The following LETMD1 variants were observed in gnomAD, a reference collection of about 807,000 sequenced individuals.
The protein encoded by LETMD1 is LETM1 domain containing 1, also known as LETM1 domain-containing protein 1.
LETMD1 carries 30 observed loss-of-function variants against 43.9 expected under a neutral mutation model. That is an observed-to-expected ratio of 0.68 (90% CI 0.51 to 0.93). LETMD1 has a LOEUF of 0.93. LETMD1 is among the 40% of genes least tolerant of loss of function. The pLI, the probability that LETMD1 is intolerant of heterozygous loss-of-function variation, is 0.00. For missense variants in LETMD1, 413 were observed against 447.7 expected (o/e 0.92, Z 0.70); for synonymous variants, 176 against 163.1 (o/e 1.08, Z -0.60).
At chr12:51,068,111 C>A in the LETMD1 span, 1 of 700,664 alleles carries the variant, frequency 1.4e-6, no homozygotes, top group Admixed American at 2.8e-5. Context: ...CAGCTACTAG[C>A]ACATGTGGCT....
intron 2 of LETMD1, among the ~76,000 whole-genome samples, chr12:51,051,743 A>G (rs1022668683): frequency 2.0e-5 from 3 of 152,180 alleles, no homozygotes; most frequent in African/African-American, 7.2e-5. Flanking sequence ...AAGGAGATTA[A>G]ATTAATATCT....
At position 51,059,399 on chromosome 12, in the gene LETMD1, C is replaced by T; in HGVS notation, c.1051C>T (p.Leu351Phe). The stretch of plus-strand genomic sequence containing the variant: ...TCTCTTGCTGCACAACGTGGTCCTG[C>T]TCTCCACCAACTACCTTGGGACAAG... ...LSLLLHNVVLLSTNYLGTRR is the reference protein window; with the variant it reads ...LSLLLHNVVLFSTNYLGTRR Residue 351 changes from leucine (L) to phenylalanine (F), a missense_variant, in exon 9 of 9, where the codon CTC becomes TTC. Transcript: ENST00000262055. 2 of 1,614,236 alleles carry T rather than the reference C, an allele frequency of 1.2e-6. No homozygotes were observed. Among genetic ancestry groups the T allele is most frequent in the Non-Finnish European group, 1.7e-6 (2 of 1,180,036 alleles).
At chr12:51,062,412 A>G (rs1231522571), downstream of LETMD1, 1 of 152,246 alleles carries the variant, frequency 6.6e-6, no homozygotes, top group Non-Finnish European at 1.5e-5. Flanking sequence ...TAATGAAAGG[A>G]AATCAGTGCT....
At position 51,059,993 on chromosome 12, in the gene LETMD1, A is replaced by G. The variant is rs1566159436; in HGVS notation, c.*562A>G. The G allele has an allele frequency of 6.5e-6, 1 of 152,904 alleles. No individual in the cohort carries two copies. Among genetic ancestry groups the G allele is most frequent in the Admixed American group, 6.5e-5 (1 of 15,346 alleles). 9.5% of individuals were successfully genotyped at this position (152,904 alleles called of 1,614,324 possible). On this transcript the variant is annotated 3_prime_UTR_variant, in exon 9 of 9. Coordinates refer to ENST00000262055, the MANE Select transcript of LETMD1 (RefSeq NM_015416.5). ...TCACCTTCACTGGCATGGGCTAACC[A>G]CTTCTTTTTCAAACCCTCTGAACAC...
At chr12:51,064,754 G>T, downstream of LETMD1, 1 of 1,252,828 alleles carries the variant, frequency 8.0e-7, no homozygotes, top group Non-Finnish European at 1.1e-6. Flanking sequence ...CAAACAGGCA[G>T]TTGGGATTTG....
At chr12:51,065,354 T>C (rs1480033668), downstream of LETMD1, among the ~76,000 whole-genome samples, 2 of 152,174 alleles carry the variant, frequency 1.3e-5, no homozygotes, top group African/African-American at 4.8e-5. Flanking sequence ...TCTACCTCCT[T>C]ATCACTTTCA....
intron 8 of LETMD1, chr12:51,059,047 C>G (rs1439718860): frequency 2.9e-6 from 1 of 344,204 alleles, no homozygotes; most frequent in African/African-American, 2.1e-5. Context: ...AATCTTGAAG[C>G]TGAGAAATGT....
intron 8 of LETMD1, 92 bp from the exon 9 acceptor site, chr12:51,059,269 A>G: frequency 9.1e-7 from 1 of 1,092,970 alleles, no homozygotes; most frequent in Admixed American, 1.8e-5. Flanking sequence ...CCCTCCCTGC[A>G]CTTGGCTTCC....
chr12:51,057,947 G>T lies in LETMD1; in HGVS notation c.916-85G>T, dbSNP rs1028473837. ...GTGAGATTGTAACTTATTTAAAGGA[G>T]ATTTAGGATTGTTTGTGGATTTCCA... On this transcript the variant is annotated intron_variant, in intron 7 of 8. Coordinates refer to ENST00000262055, the MANE Select transcript of LETMD1 (RefSeq NM_015416.5). The T allele has an allele frequency of 4.1e-6, 4 of 970,398 alleles. No individual in the cohort carries two copies. In the African/African-American group the frequency reaches 6.4e-5, roughly 15 times the overall value. The allele number at this position is 970,398 out of a possible 1,614,324, so 60.1% of individuals were successfully genotyped here. A position where few individuals can be genotyped will look rare whatever the true frequency, so the allele number is the denominator to read the frequency against.
downstream of LETMD1, chr12:51,064,413 G>A (rs1477608047): frequency 1.2e-6 from 2 of 1,613,454 alleles, no homozygotes; most frequent in African/African-American, 2.7e-5. Flanking sequence ...CATCACTGCT[G>A]TCTCATTCTC....
chr12:51,049,317 T>C, intron 2 of LETMD1, 132 bp downstream of exon 2: 1 of 756,464 alleles, frequency 1.3e-6, no homozygotes, highest in Non-Finnish European at 2.1e-6. Context: ...CATAAATGCC[T>C]GCGCCTTAAA....
At chr12:51,063,599 A>C, downstream of LETMD1, 1 of 636,430 alleles carries the variant, frequency 1.6e-6, no homozygotes, top group Non-Finnish European at 2.6e-6. Flanking sequence ...AAAAATACTC[A>C]AACAATCCTT....
rs1353789655 is a variant in LETMD1, at chr12:51,055,781, C to T, written c.474-54C>T. 3.8e-6 allele frequency: 5 copies of T among 1,323,982 alleles called. No individual in the cohort carries two copies. The African/African-American group carries it at 7.4e-5, about 20-fold the overall frequency. The allele number at this position is 1,323,982 out of a possible 1,614,324, so 82.0% of individuals were successfully genotyped here. On this transcript the variant is annotated intron_variant, in intron 4 of 8. Coordinates refer to ENST00000262055, the MANE Select transcript of LETMD1 (RefSeq NM_015416.5). ...GTCTACCAAATGCTTTCTTTGGCTT[C>T]CTCTGAAAGAAGCCAGTTTCAGCAA...
chr12:51,051,382 C>T (rs1275055339), intron 2 of LETMD1, among the ~76,000 whole-genome samples: 1 of 150,542 alleles, frequency 6.6e-6, no homozygotes, highest in African/African-American at 2.4e-5. Flanking sequence ...CCAGCCTGGG[C>T]GACAGAGCAA....
the LETMD1 span, chr12:51,068,047 T>A: frequency 7.2e-7 from 1 of 1,396,716 alleles, no homozygotes; most frequent in Non-Finnish European, 1.0e-6. Context: ...AGAGCAGCAC[T>A]GTCCCTTGAA....
the LETMD1 span, among the ~76,000 whole-genome samples, chr12:51,068,232 A>T: frequency 6.6e-6 from 1 of 152,130 alleles, no homozygotes; most frequent in African/African-American, 2.4e-5. Context: ...GTCTTGGCTC[A>T]CTACAACCTC....
downstream of LETMD1, chr12:51,062,813 G>GA (rs902376135): frequency 1.6e-4 from 25 of 152,524 alleles, no homozygotes; most frequent in Admixed American, 1.2e-3. Flanking sequence ...AAACCTGGGT[G>GA]AAAAAACAAG....
chr12:51,055,847 C>T lies in LETMD1; in HGVS notation c.486C>T (p.Pro162=). ...YLVFLLMYLF[P]RQLLIRHFWT... is the part of the protein sequence containing the mutation. Reference sequence around the variant, plus strand: ...TTTCTCCTTTCAGGTACCTGTTTCCCAGGCAACTACTGATCAGGCATTTCT... The same window carrying T: ...TTTCTCCTTTCAGGTACCTGTTTCCTAGGCAACTACTGATCAGGCATTTCT... Residue 162 remains proline, a synonymous_variant, in exon 5 of 9, where the codon CCC becomes CCT. Coordinates refer to ENST00000262055, the MANE Select transcript of LETMD1 (RefSeq NM_015416.5). 1 of 1,597,722 alleles carries T rather than the reference C, an allele frequency of 6.3e-7. No individual in the cohort carries two copies. The highest frequency in any genetic ancestry group is 8.5e-7 in the Non-Finnish European group (1 of 1,172,098).
the LETMD1 span, among the ~76,000 whole-genome samples, chr12:51,067,083 G>T: frequency 2.6e-5 from 4 of 151,970 alleles, no homozygotes; most frequent in African/African-American, 9.7e-5. The surrounding 1 kb of genome is among the most constrained non-coding windows in gnomAD (Gnocchi z 4.1). Flanking sequence ...TGCCTGCCTC[G>T]GCCTCCCAAA....
Sources: allele counts gnomAD v4.1 joint callset (sites outside exome capture counted in the v4.1 genomes callset), GRCh38; gene constraint gnomAD v4.1.1; non-coding constraint Gnocchi (gnomAD v3.1); transcripts MANE v1.5; gene names NCBI Gene and HGNC (gene_info 2026-07-23, HGNC 2026-07-21).